Variants in SLC25A21 observed in about 807,000 individuals in gnomAD.
SLC25A21 encodes solute carrier family 25 member 21.
Under a neutral mutation model 43.8 loss-of-function variants are expected in SLC25A21, and 47 were observed. That is an observed-to-expected ratio of 1.07 (90% CI 0.85 to 1.37). The LOEUF is 1.37. Ranked by LOEUF, SLC25A21 falls within the 40% of genes most tolerant of loss-of-function variation. The pLI, the probability that SLC25A21 is intolerant of heterozygous loss-of-function variation, is 0.00. For synonymous variants in SLC25A21, 131 were observed against 121.3 expected (o/e 1.08, Z -0.52); for missense variants, 352 against 350.2 (o/e 1.00, Z -0.04).
intron 1 of SLC25A21, among the ~76,000 whole-genome samples, chr14:36,965,471 T>C (rs1024995451): frequency 2.6e-5 from 4 of 152,184 alleles, no homozygotes; most frequent in African/African-American, 7.2e-5. Flanking sequence ...TTTAACAAAA[T>C]AGATCTCATG....
chr14:36,838,412 G>C (rs1889280929), intron 2 of SLC25A21, among the ~76,000 whole-genome samples: 1 of 152,182 alleles, frequency 6.6e-6, no homozygotes, highest in Non-Finnish European at 1.5e-5. Context: ...GGGACACACT[G>C]CACCTGCTTT....
chr14:36,770,501 T>C (rs754271782), intron 3 of SLC25A21, among the ~76,000 whole-genome samples: 1 of 152,134 alleles, frequency 6.6e-6, no homozygotes, highest in Non-Finnish European at 1.5e-5. Context: ...AGCCTGTACA[T>C]GTACCTCCTG....
At chr14:37,037,661 C>T (rs1961357568) in intron 1 of SLC25A21, among the ~76,000 whole-genome samples, 1 of 152,128 alleles carries the variant, frequency 6.6e-6, no homozygotes, top group South Asian at 2.1e-4. Context: ...TGACCCTGCC[C>T]TCCCTGACAC....
At chr14:36,757,223 T>C (rs1594558392) in intron 3 of SLC25A21, among the ~76,000 whole-genome samples, 2 of 152,042 alleles carry the variant, frequency 1.3e-5, no homozygotes, top group Middle Eastern at 6.8e-3. Context: ...GCACCACTGC[T>C]CTCCAGCCTG....
At position 36,802,202 on chromosome 14, in the gene SLC25A21, A is replaced by C. The variant is rs560862532; in HGVS notation, c.203+11716T>G. ...GTTTTGATTTGATTATACATTTTTA[A>C]ATATTAATATGTCCAGAATAGCTAA... On this transcript the variant is annotated intron_variant, in intron 3 of 9. Coordinates refer to ENST00000331299, the MANE Select transcript of SLC25A21 (RefSeq NM_030631.4). 8.5e-5 allele frequency among the ~76,000 whole-genome samples: 13 copies of C among 152,264 alleles called. No homozygotes were observed. In the East Asian group the frequency reaches 2.1e-3, roughly 25 times the overall value.
intron 2 of SLC25A21, among the ~76,000 whole-genome samples, chr14:36,868,926 T>A (rs969669472): frequency 7.9e-5 from 12 of 152,144 alleles, no homozygotes; most frequent in African/African-American, 2.9e-4. Flanking sequence ...AGTGGCTGCA[T>A]CCTGAGGCTC....
At chr14:36,844,120 T>A (rs1328540339) in intron 2 of SLC25A21, among the ~76,000 whole-genome samples, 1 of 152,214 alleles carries the variant, frequency 6.6e-6, no homozygotes. Flanking sequence ...TAGGTGGGCA[T>A]ATAGGCAGAC....
intron 1 of SLC25A21, among the ~76,000 whole-genome samples, chr14:37,028,374 A>C (rs1217356609): frequency 2.0e-5 from 3 of 152,170 alleles, no homozygotes; most frequent in African/African-American, 7.2e-5. Context: ...TTTGCTTTTC[A>C]TTCTTCTATC....
chr14:36,991,691 T>TG lies in SLC25A21; in HGVS notation c.71-116688dup, dbSNP rs577107058. 2.2e-3 allele frequency among the ~76,000 whole-genome samples: 338 copies of TG among 152,256 alleles called. 1 individual carries two copies. Among genetic ancestry groups the TG allele is most frequent in the African/African-American group, 7.4e-3 (306 of 41,550 alleles). ...AAGTAGCAGAGCTCACATTAAAAACTGGGCCTACCTGTTTCCAAAGTCCAT... is the reference window on the plus strand; with the variant it reads ...AAGTAGCAGAGCTCACATTAAAAACTGGGGCCTACCTGTTTCCAAAGTCCAT... On this transcript the variant is annotated intron_variant, in intron 1 of 9. Transcript: ENST00000331299.
intron 3 of SLC25A21, among the ~76,000 whole-genome samples, chr14:36,783,573 T>C (rs1887149276): frequency 6.6e-6 from 1 of 152,158 alleles, no homozygotes; most frequent in African/African-American, 2.4e-5. Context: ...TCACTCAGTA[T>C]GCTCTCGCTT....
At position 36,678,629 on chromosome 14, in the gene SLC25A21, G is replaced by A. The variant is rs749871857; in HGVS notation, c.*2029C>T. 2 of 1,291,168 alleles carry A rather than the reference G, an allele frequency of 1.5e-6. No homozygotes were observed. The highest frequency in any genetic ancestry group is 3.0e-5 in the South Asian group (1 of 33,202). 80.0% of individuals were successfully genotyped at this position (1,291,168 alleles called of 1,614,324 possible). On this transcript the variant is annotated 3_prime_UTR_variant, in exon 10 of 10. Coordinates refer to ENST00000331299, the MANE Select transcript of SLC25A21 (RefSeq NM_030631.4). ...GGTACAGAACTATTCTTTATCAAAT[G>A]TTTTTAGGTGGCTGTTAGGGGGCTT...
intron 3 of SLC25A21, among the ~76,000 whole-genome samples, chr14:36,792,111 T>C (rs1887506856): frequency 1.3e-5 from 2 of 152,168 alleles, no homozygotes; most frequent in South Asian, 4.1e-4. Flanking sequence ...TTTTTATAAA[T>C]ACTCTGAGGG....
chr14:36,851,427 G>T (rs909016), intron 2 of SLC25A21, among the ~76,000 whole-genome samples: 8 of 152,016 alleles, frequency 5.3e-5, no homozygotes, highest in Admixed American at 2.0e-4. Flanking sequence ...CAAGAATTTA[G>T]GAACCCAGAA....
At chr14:36,691,876 G>A (rs915705529) in intron 7 of SLC25A21, among the ~76,000 whole-genome samples, 2 of 152,122 alleles carry the variant, frequency 1.3e-5, no homozygotes, top group Non-Finnish European at 2.9e-5. Context: ...CTAAACTGGA[G>A]CTGAGTAGTC....
intron 1 of SLC25A21, among the ~76,000 whole-genome samples, chr14:36,993,328 C>T (rs1033616682): frequency 4.6e-5 from 7 of 152,020 alleles, no homozygotes; most frequent in African/African-American, 9.7e-5. Context: ...AATATTCAGT[C>T]GTTTCAAAGC....
chr14:36,917,158 A>T (rs903900932), intron 1 of SLC25A21, among the ~76,000 whole-genome samples: 4 of 152,062 alleles, frequency 2.6e-5, no homozygotes, highest in Admixed American at 1.3e-4. Context: ...CATACCTGAT[A>T]TTACTGTTCC....
At chr14:37,155,538 G>A (rs1042918808) in intron 1 of SLC25A21, among the ~76,000 whole-genome samples, 7 of 152,118 alleles carry the variant, frequency 4.6e-5, no homozygotes, top group African/African-American at 1.7e-4. Flanking sequence ...AAAATAACAA[G>A]AGAAAATCAT....
At chr14:36,962,103 G>C (rs954514801) in intron 1 of SLC25A21, among the ~76,000 whole-genome samples, 11 of 152,066 alleles carry the variant, frequency 7.2e-5, no homozygotes, top group Non-Finnish European at 1.5e-4. Flanking sequence ...TCTCTAGCCT[G>C]CTATTAAATC....
chr14:36,706,731 C>T (rs906923238), intron 7 of SLC25A21, among the ~76,000 whole-genome samples: 2 of 152,198 alleles, frequency 1.3e-5, no homozygotes, highest in Admixed American at 1.3e-4. Flanking sequence ...ATCACCACAT[C>T]CTGCAGATTC....
Sources: gnomAD v4.1 joint callset for allele counts (sites outside exome capture counted in the v4.1 genomes callset) on GRCh38, gnomAD v4.1.1 for gene constraint, MANE v1.5 for transcripts, NCBI Gene and HGNC (gene_info 2026-07-23, HGNC 2026-07-21) for gene names.